STPG2: variants seen among roughly 807,000 people sequenced by gnomAD.
STPG2 encodes the protein sperm tail PG-rich repeat containing 2.
A neutral mutation model predicts 54.2 loss-of-function variants in STPG2; 56 were observed. That is an observed-to-expected ratio of 1.03 (90% CI 0.83 to 1.29). STPG2 has a LOEUF of 1.29. Among genes scored for constraint, STPG2 ranks in the 50% most tolerant of loss-of-function variants. The pLI is 0.00. For synonymous variants in STPG2, 200 were observed against 181.8 expected (o/e 1.10, Z -0.81); for missense variants, 596 against 544.9 (o/e 1.09, Z -0.93).
intron 5 of STPG2, among the ~76,000 whole-genome samples, chr4:98,078,548 T>C (rs17550217): frequency 2.7e-5 from 4 of 149,944 alleles, no homozygotes; most frequent in Admixed American, 1.3e-4. Context: ...TGAACGTTAA[T>C]GAACAAAGCC....
chr4:97,504,172 ATATTT>A (rs1158782903), intron 4 of STPG2, among the ~76,000 whole-genome samples: 2 of 144,842 alleles, frequency 1.4e-5, no homozygotes, highest in Non-Finnish European at 3.0e-5. Context: ...ATTTATTTAA[ATATTT>A]TATTTTATTT....
intron 5 of STPG2, among the ~76,000 whole-genome samples, chr4:98,040,553 G>A (rs146842419): frequency 1.8e-3 from 272 of 151,422 alleles, no homozygotes; most frequent in Non-Finnish European, 3.3e-3. Context: ...CAATTTTCCC[G>A]GCACCATTTA....
At chr4:97,741,585 T>A (rs1252456555) in intron 9 of STPG2, among the ~76,000 whole-genome samples, 1 of 152,174 alleles carries the variant, frequency 6.6e-6, no homozygotes, top group African/African-American at 2.4e-5. Flanking sequence ...AAGGTAGACA[T>A]GTATGCAGCC....
At chr4:97,883,126 T>C (rs1251890775) in intron 8 of STPG2, among the ~76,000 whole-genome samples, 4 of 151,704 alleles carry the variant, frequency 2.6e-5, no homozygotes, top group South Asian at 2.1e-4. Context: ...GAGACTAGCA[T>C]GGGCAACATA....
At chr4:98,014,978 G>A (rs939196447) in intron 5 of STPG2, among the ~76,000 whole-genome samples, 1 of 152,062 alleles carries the variant, frequency 6.6e-6, no homozygotes, top group African/African-American at 2.4e-5. Flanking sequence ...CACTGACCAT[G>A]TTATGATTGT....
chr4:97,742,112 G>GA (rs977706226), intron 9 of STPG2, among the ~76,000 whole-genome samples: 15 of 150,344 alleles, frequency 1.0e-4, no homozygotes, highest in South Asian at 2.1e-4. Context: ...ACTATCGCAA[G>GA]AAAAAAAAAC....
chr4:97,698,966 A>G (rs1050762274), intron 10 of STPG2, among the ~76,000 whole-genome samples: 6 of 152,192 alleles, frequency 3.9e-5, no homozygotes, highest in Non-Finnish European at 8.8e-5. Flanking sequence ...CTGTGAGTCC[A>G]CTGATGATAG....
At chr4:97,491,395 A>C (rs992145763) in intron 4 of STPG2, among the ~76,000 whole-genome samples, 2 of 151,554 alleles carry the variant, frequency 1.3e-5, no homozygotes, top group Non-Finnish European at 3.0e-5. Flanking sequence ...AAAGTTATCA[A>C]ACATTTATTT....
At chr4:98,000,867 T>A (rs554976535) in intron 5 of STPG2, among the ~76,000 whole-genome samples, 3 of 152,228 alleles carry the variant, frequency 2.0e-5, no homozygotes, top group African/African-American at 7.2e-5. Context: ...TAGCTGACTA[T>A]ATGTTCAGTA....
chr4:97,618,596 A>T (rs1277527951), intron 10 of STPG2, among the ~76,000 whole-genome samples: 1 of 152,188 alleles, frequency 6.6e-6, no homozygotes, highest in African/African-American at 2.4e-5. Flanking sequence ...TTGTTCAGAA[A>T]ATAGCTCATC....
intron 9 of STPG2, among the ~76,000 whole-genome samples, chr4:97,820,791 G>T (rs189171195): frequency 1.9e-4 from 29 of 151,960 alleles, no homozygotes; most frequent in African/African-American, 6.5e-4. Context: ...GCACAGAGAG[G>T]TTACCACACA....
intron 10 of STPG2, among the ~76,000 whole-genome samples, chr4:97,710,453 T>C (rs961638125): frequency 2.0e-5 from 3 of 152,182 alleles, no homozygotes; most frequent in Middle Eastern, 3.4e-3. Flanking sequence ...ACCACCAGCA[T>C]TGGACAGTTG....
intron 4 of STPG2, among the ~76,000 whole-genome samples, chr4:97,540,881 T>C (rs1179972220): frequency 6.6e-6 from 1 of 152,124 alleles, no homozygotes; most frequent in Non-Finnish European, 1.5e-5. Context: ...CATGATTATC[T>C]CAATAGATGC....
chr4:97,720,753 T>C (rs1314708284), intron 9 of STPG2, among the ~76,000 whole-genome samples: 1 of 151,974 alleles, frequency 6.6e-6, no homozygotes, highest in Non-Finnish European at 1.5e-5. Flanking sequence ...AGCACAAATA[T>C]CACAATTCTA....
intron 4 of STPG2, among the ~76,000 whole-genome samples, chr4:97,501,931 A>T (rs1730734095): frequency 6.6e-6 from 1 of 152,020 alleles, no homozygotes; most frequent in Non-Finnish European, 1.5e-5. Flanking sequence ...ATTGAGGACC[A>T]AAATAGTCAA....
At chr4:97,548,712 T>C (rs1278740418) in intron 4 of STPG2, among the ~76,000 whole-genome samples, 1 of 152,192 alleles carries the variant, frequency 6.6e-6, no homozygotes, top group Non-Finnish European at 1.5e-5. Flanking sequence ...AGGAAACTGA[T>C]TTATGTAGTT....
chr4:97,867,692 G>A (rs918459684), intron 8 of STPG2, among the ~76,000 whole-genome samples: 1 of 151,982 alleles, frequency 6.6e-6, no homozygotes, highest in African/African-American at 2.4e-5. Context: ...CAGGACTGAT[G>A]CAGCAGTCCC....
intron 8 of STPG2, among the ~76,000 whole-genome samples, chr4:97,843,627 T>C (rs913701843): frequency 6.6e-6 from 1 of 151,856 alleles, no homozygotes; most frequent in African/African-American, 2.4e-5. Flanking sequence ...AATTCCCTAG[T>C]ATTTTAAGCT....
chr4:97,944,034 T>C (rs558739501), intron 7 of STPG2, 27 bp from the exon 8 acceptor site: 5 of 1,444,836 alleles, frequency 3.5e-6, no homozygotes, highest in East Asian at 4.6e-5. Context: ...TTAAAAAGAG[T>C]ACATCATTTA....
Sources: allele counts gnomAD v4.1 joint callset (sites outside exome capture counted in the v4.1 genomes callset), GRCh38; gene constraint gnomAD v4.1.1; transcripts MANE v1.5; gene names NCBI Gene and HGNC (gene_info 2026-07-23, HGNC 2026-07-21).